Variants in ZNF264 observed in about 807,000 individuals in gnomAD.
ZNF264 encodes the protein zinc finger protein 264.
A neutral mutation model predicts 11.2 loss-of-function variants in ZNF264; 11 were observed. The observed-to-expected ratio is 0.98, with a 90% CI of 0.62 to 1.63. The LOEUF is 1.63. Among genes scored for constraint, ZNF264 ranks in the 40% most tolerant of loss-of-function variants. The pLI is 0.00. For synonymous variants in ZNF264, 309 were observed against 279.8 expected (o/e 1.10, Z -1.04); for missense variants, 752 against 768.1 (o/e 0.98, Z 0.25).
Position 57,194,112 on chromosome 19 carries a change from C to G in ZNF264, c.160+111C>G. 2 of 1,438,438 alleles carry G rather than the reference C, an allele frequency of 1.4e-6. 1 individual carries two copies. Among genetic ancestry groups the G allele is most frequent in the South Asian group, 2.8e-5 (2 of 71,412 alleles). 89.1% of individuals were successfully genotyped at this position (1,438,438 alleles called of 1,614,324 possible). ...AAGGCCTCTAGAATCTACCTTGCCT[C>G]TTTCCCACAGCTTTAGTCATTTTCC... On this transcript the variant is annotated intron_variant, in intron 2 of 3. Transcript: ENST00000263095.
chr19:57,205,275 C>G, intron 2 of ZNF264, 122 bp from the exon 3 acceptor site: 1 of 871,336 alleles, frequency 1.1e-6, no homozygotes, highest in Non-Finnish European at 1.8e-6. Flanking sequence ...GCTTTTCATT[C>G]CCATGCACAG....
At position 57,191,862 on chromosome 19, in the gene ZNF264, C is replaced by T; in HGVS notation, c.-52C>T. ...AGGGTCGGGCACAGGTGGGGTCCGT[C>T]AGGCCGCCCGGGGCTCCTCTGTCCC... is the stretch of plus-strand genomic sequence containing the variant. On this transcript the variant is annotated 5_prime_UTR_variant, in exon 1 of 4. Transcript: ENST00000263095. 1 of 1,283,974 alleles carries T rather than the reference C, an allele frequency of 7.8e-7. No homozygotes were observed. Among genetic ancestry groups the T allele is most frequent in the Non-Finnish European group, 9.9e-7 (1 of 1,013,472 alleles). 79.5% of individuals were successfully genotyped at this position (1,283,974 alleles called of 1,614,324 possible).
intron 2 of ZNF264, chr19:57,194,925 A>C (rs181325549): frequency 4.2e-4 from 166 of 398,012 alleles, no homozygotes; most frequent in Non-Finnish European, 6.5e-4. Context: ...TTGATCCAGA[A>C]ATAAAGGCTC....
Position 57,212,763 on chromosome 19 carries a change from C to T in ZNF264, c.1666C>T (p.Gln556Ter). ...KAFSRSSSLT[Q>*]HQRMHTGKNP... ...CTTCAGTCGCAGCTCGTCCCTCACT[C>T]AGCATCAAAGGATGCATACTGGGAA... The change falls in exon 4 of 4, where the codon CAG (glutamine) becomes TAG (stop). Residue 556 changes from glutamine (Q) to a stop codon, truncating the protein, a stop_gained. Coordinates refer to ENST00000263095, the MANE Select transcript of ZNF264 (RefSeq NM_003417.5). LOFTEE classifies it low-confidence loss of function (END_TRUNC). 6.2e-7 allele frequency: 1 copy of T among 1,614,124 alleles called. No individual in the cohort carries two copies. The highest frequency in any genetic ancestry group is 1.7e-5 in the Admixed American group (1 of 60,026).
rs1365616175 is a variant in ZNF264 at position 57,212,084 on chromosome 19, C to T, written c.987C>T (p.Gly329=). 6.2e-7 allele frequency: 1 copy of T among 1,614,020 alleles called. No homozygotes were observed. The highest frequency in any genetic ancestry group is 1.3e-5 in the African/African-American group (1 of 74,900). Residue 329 remains glycine (G), a synonymous_variant, in exon 4 of 4, where the codon GGC becomes GGT. Transcript: ENST00000263095. The part of the protein sequence containing the change: ...ECGQVFRHRP[G]FLRHYVVHSG... The stretch of plus-strand genomic sequence containing the variant: ...GCCAAGTCTTTCGACATAGGCCAGG[C>T]TTTCTCCGGCACTATGTTGTCCACA...
chr19:57,205,376 A>T, intron 2 of ZNF264, 21 bp from the exon 3 acceptor site: 1 of 1,594,874 alleles, frequency 6.3e-7, no homozygotes, highest in African/African-American at 1.3e-5. Context: ...CCATGTGTCC[A>T]CTTGCTTTCT....
Position 57,211,413 on chromosome 19 carries a change from G to A in ZNF264, c.316G>A (p.Gly106Arg). The A allele has an allele frequency of 6.2e-7, 1 of 1,614,136 alleles. No individual in the cohort carries two copies. Among genetic ancestry groups the A allele is most frequent in the Non-Finnish European group, 8.5e-7 (1 of 1,180,026 alleles). ...PTTCEPALSE[G>R]ISLQGQVTQG... ...CACTTGTGAGCCAGCCTTGTCAGAG[G>A]GAATCTCACTTCAGGGACAAGTGAC... Residue 106 changes from glycine to arginine, a missense_variant, in exon 4 of 4, where the codon GGA becomes AGA. By Grantham distance (125) the Gly-to-Arg change is moderately radical. Coordinates refer to ENST00000263095, the MANE Select transcript of ZNF264 (RefSeq NM_003417.5).
At chr19:57,207,884 G>A (rs1055545304) in intron 3 of ZNF264, among the ~76,000 whole-genome samples, 7 of 151,958 alleles carry the variant, frequency 4.6e-5, no homozygotes, top group South Asian at 2.1e-4. Flanking sequence ...ATGCCACCAC[G>A]CCCGGCTTTT....
At chr19:57,201,057 T>C (rs539913257) in intron 2 of ZNF264, among the ~76,000 whole-genome samples, 1 of 152,052 alleles carries the variant, frequency 6.6e-6, no homozygotes, top group East Asian at 1.9e-4. Flanking sequence ...AATTTACTTA[T>C]TGTATGTGTA....
intron 2 of ZNF264, among the ~76,000 whole-genome samples, chr19:57,197,428 TGCTCCAA>T (rs1475404666): frequency 6.6e-6 from 1 of 151,874 alleles, no homozygotes; most frequent in East Asian, 1.9e-4. Context: ...GGCAGGGCCT[TGCTCCAA>T]AATCCTAGAG....
At position 57,212,591 on chromosome 19, in the gene ZNF264, C is replaced by T. The variant is rs1356740710; in HGVS notation, c.1494C>T (p.Leu498=). 6.2e-7 allele frequency: 1 copy of T among 1,614,166 alleles called. No individual in the cohort carries two copies. The highest frequency in any genetic ancestry group is 8.5e-7 in the Non-Finnish European group (1 of 1,180,026). ...AGGCCTTCACCCGCATGTCGGGCCT[C>T]ACGAGGCACAAGCGGATTCATAGTG... ...CGKAFTRMSG[L]TRHKRIHSGE... is the part of the protein sequence containing the mutation. Residue 498 remains leucine (L), a synonymous_variant, in exon 4 of 4, where the codon CTC becomes CTT. Coordinates refer to ENST00000263095, the MANE Select transcript of ZNF264 (RefSeq NM_003417.5).
At chr19:57,201,863 C>T (rs1286273665) in intron 2 of ZNF264, among the ~76,000 whole-genome samples, 1 of 151,816 alleles carries the variant, frequency 6.6e-6, no homozygotes, top group Non-Finnish European at 1.5e-5. Context: ...GTGAGCTGAT[C>T]TTCAGCCTTC....
rs2087381278 is a variant in ZNF264 at position 57,216,516 on chromosome 19, A to G, written c.*3535A>G. 6.6e-6 allele frequency: 1 copy of G among 151,958 alleles called. No individual in the cohort carries two copies. Among genetic ancestry groups the G allele is most frequent in the Non-Finnish European group, 1.5e-5 (1 of 67,978 alleles). The allele number at this position is 151,958 out of a possible 1,614,324, so 9.4% of individuals were successfully genotyped here. ...GACTCTTCTGTCATTATGTGATGTC[A>G]TTTTTTTGCCTTTTAATAGTCTTGT... On this transcript the variant is annotated 3_prime_UTR_variant, in exon 4 of 4. Transcript: ENST00000263095.
chr19:57,194,509 C>T (rs986706826), intron 2 of ZNF264, among the ~76,000 whole-genome samples: 1 of 152,204 alleles, frequency 6.6e-6, no homozygotes, highest in African/African-American at 2.4e-5. Flanking sequence ...CCACAGTAGG[C>T]TGTCTGCAAG....
rs2087177523 is a variant in ZNF264 at position 57,192,052 on chromosome 19, C to T, written c.33+106C>T. 2 of 1,134,034 alleles carry T rather than the reference C, an allele frequency of 1.8e-6. 1 individual carries two copies. The highest frequency in any genetic ancestry group is 4.1e-5 in the South Asian group (2 of 48,214). The allele number at this position is 1,134,034 out of a possible 1,614,324, so 70.2% of individuals were successfully genotyped here. On this transcript the variant is annotated intron_variant, in intron 1 of 3. Coordinates refer to ENST00000263095, the MANE Select transcript of ZNF264 (RefSeq NM_003417.5). Reference sequence around the variant, plus strand: ...CCCCTGGATTTGTCTTCGCAGTCGTCGTTCGCTTTGGTGTGTGGAGCTGGT... The same window carrying T: ...CCCCTGGATTTGTCTTCGCAGTCGTTGTTCGCTTTGGTGTGTGGAGCTGGT...
chr19:57,208,724 G>A (rs529373318), intron 3 of ZNF264, among the ~76,000 whole-genome samples: 8 of 152,244 alleles, frequency 5.3e-5, no homozygotes, highest in East Asian at 1.9e-4. Context: ...TTATTGGTTT[G>A]TAGGCTATGC....
chr19:57,207,955 A>G (rs1227651059), intron 3 of ZNF264, among the ~76,000 whole-genome samples: 1 of 151,714 alleles, frequency 6.6e-6, no homozygotes, highest in Non-Finnish European at 1.5e-5. Flanking sequence ...CGAACTCCTG[A>G]CCTCAGGTGA....
intron 2 of ZNF264, among the ~76,000 whole-genome samples, chr19:57,204,728 C>T (rs888307485): frequency 2.6e-5 from 4 of 152,194 alleles, no homozygotes; most frequent in African/African-American, 7.2e-5. Context: ...TGGGAGACCA[C>T]GCTGTGTGCA....
Position 57,194,034 on chromosome 19 carries a change from T to G in ZNF264, c.160+33T>G, listed in dbSNP as rs772552392. 1.8e-5 allele frequency: 28 copies of G among 1,570,680 alleles called. No individual in the cohort carries two copies. In the Middle Eastern group the frequency reaches 6.8e-4, roughly 38 times the overall value. On this transcript the variant is annotated intron_variant, in intron 2 of 3. Transcript: ENST00000263095. ...CTTCCTTCCCCCTCCACCATGCAGG[T>G]GACCTGCCACTTCCTTCATTCCATC...
Sources: allele counts gnomAD v4.1 joint callset (sites outside exome capture counted in the v4.1 genomes callset), GRCh38; gene constraint gnomAD v4.1.1; transcripts MANE v1.5; gene names NCBI Gene and HGNC (gene_info 2026-07-23, HGNC 2026-07-21).